GRIA3: variants seen among roughly 807,000 people sequenced by gnomAD.
GRIA3 encodes the protein glutamate receptor 3.
Under a neutral mutation model 63.0 loss-of-function variants are expected in GRIA3, and 3 were observed. The observed-to-expected ratio is 0.05, with a 90% CI of 0.02 to 0.12. The LOEUF is 0.12. Ranked by LOEUF, GRIA3 falls within the 10% of genes least tolerant of loss-of-function variation. The pLI, the probability that GRIA3 is intolerant of heterozygous loss-of-function variation, is 1.00. For missense variants in GRIA3, 347 were observed against 700.9 expected, an observed-to-expected ratio of 0.50 and a Z score of 5.70; for synonymous variants, 274 against 257.9, an observed-to-expected ratio of 1.06 and a Z score of -0.60.
chrX:123,381,211 A>C (rs1427449806), intron 5 of GRIA3, among the ~76,000 whole-genome samples: 2 of 111,161 alleles, frequency 1.8e-5, no homozygotes, highest in Non-Finnish European at 1.9e-5. Flanking sequence ...CCAACAGCCT[A>C]AGGAGAAAAT....
At chrX:123,414,689 T>C (rs1277661314) in intron 10 of GRIA3, among the ~76,000 whole-genome samples, 3 of 108,314 alleles carry the variant, frequency 2.8e-5, no homozygotes, top group African/African-American at 1.0e-4. Flanking sequence ...TTCTGTCCTT[T>C]TGATAGTTTG....
intron 2 of GRIA3, among the ~76,000 whole-genome samples, chrX:123,198,636 C>CA (rs201263633): frequency 1.6e-4 from 17 of 109,040 alleles, no homozygotes; most frequent in African/African-American, 4.7e-4. Flanking sequence ...TGCTTGGGGA[C>CA]AAAAAAAAAG....
chrX:123,259,519 A>G (rs1234373344), intron 3 of GRIA3, among the ~76,000 whole-genome samples: 1 of 110,166 alleles, frequency 9.1e-6, no homozygotes, highest in Non-Finnish European at 1.9e-5. Context: ...GCGCGCACAC[A>G]CACACACACA....
chrX:123,391,143 A>G (rs1411718475), intron 5 of GRIA3, among the ~76,000 whole-genome samples: 3 of 111,073 alleles, frequency 2.7e-5, no homozygotes, highest in Non-Finnish European at 5.7e-5. Flanking sequence ...GATTTCATAA[A>G]TTTCTTTTTG....
At chrX:123,319,712 T>A (rs980123404) in intron 3 of GRIA3, among the ~76,000 whole-genome samples, 75 of 110,418 alleles carry the variant, frequency 6.8e-4, no homozygotes, top group African/African-American at 2.4e-3. Flanking sequence ...CCTCCCTTCT[T>A]GCCTCTGTGT....
Position 123,344,703 on chromosome X carries a change from C to T in GRIA3, c.697-10207C>T, listed in dbSNP as rs765410037. On this transcript the variant is annotated intron_variant, in intron 4 of 15. Transcript: ENST00000620443. Reference sequence around the variant, plus strand: ...ATGTTTCAGAAATTCTTTTTTGGCTCCTTTCCCAGGAGTCTGGGTGAATTT... The same window carrying T: ...ATGTTTCAGAAATTCTTTTTTGGCTTCTTTCCCAGGAGTCTGGGTGAATTT... Among the ~76,000 whole-genome samples the T allele has an allele frequency of 9.9e-5, 11 of 111,167 alleles. No individual in the cohort carries two copies. The South Asian group carries it at 1.6e-3, about 16-fold the overall frequency.
At chrX:123,329,516 A>G (rs891835661) in intron 4 of GRIA3, among the ~76,000 whole-genome samples, 9 of 111,826 alleles carry the variant, frequency 8.0e-5, no homozygotes, top group African/African-American at 1.6e-4. Context: ...ATTAGGGGAA[A>G]AATTCAATTA....
At chrX:123,373,889 G>A (rs1019414945) in intron 5 of GRIA3, among the ~76,000 whole-genome samples, 11 of 111,657 alleles carry the variant, frequency 9.9e-5, no homozygotes, top group South Asian at 3.8e-4. Flanking sequence ...TTTGGCTTTC[G>A]TTGCGATTGC....
At chrX:123,394,270 G>A (rs772267744) in intron 5 of GRIA3, among the ~76,000 whole-genome samples, 1 of 111,163 alleles carries the variant, frequency 9.0e-6, no homozygotes, top group East Asian at 2.8e-4. Context: ...GCTGAGGCAC[G>A]AGAATCGCTT....
intron 11 of GRIA3, among the ~76,000 whole-genome samples, chrX:123,421,550 G>A (rs1248320657): frequency 1.8e-5 from 2 of 112,551 alleles, no homozygotes; most frequent in Non-Finnish European, 3.8e-5. Context: ...CCCAGAATGT[G>A]AGCATGCATT....
intron 3 of GRIA3, among the ~76,000 whole-genome samples, chrX:123,310,414 C>T (rs897229596): frequency 1.2e-4 from 13 of 113,021 alleles, no homozygotes; most frequent in Admixed American, 2.8e-4. Flanking sequence ...AGTCAGCTTA[C>T]TTCTCATCCA....
At chrX:123,296,116 A>G (rs1424764071) in intron 3 of GRIA3, among the ~76,000 whole-genome samples, 1 of 111,397 alleles carries the variant, frequency 9.0e-6, no homozygotes, top group Non-Finnish European at 1.9e-5. Context: ...TCATCAACCT[A>G]TTATCCTCAG....
At chrX:123,266,474 T>C (rs1420193848) in intron 3 of GRIA3, among the ~76,000 whole-genome samples, 1 of 111,343 alleles carries the variant, frequency 9.0e-6, no homozygotes, top group Non-Finnish European at 1.9e-5. Context: ...GCACATCTCA[T>C]CACCAAAGAC....
intron 10 of GRIA3, among the ~76,000 whole-genome samples, chrX:123,410,176 G>C (rs1024807963): frequency 9.0e-6 from 1 of 111,561 alleles, no homozygotes; most frequent in African/African-American, 3.3e-5. Context: ...ACAGCTGGGG[G>C]TTCTGCCCTT....
At chrX:123,196,960 T>C (rs1307812932) in intron 2 of GRIA3, among the ~76,000 whole-genome samples, 2 of 112,121 alleles carry the variant, frequency 1.8e-5, no homozygotes, top group Non-Finnish European at 3.8e-5. Context: ...ACCACACAAT[T>C]TATGTTGAAG....
intron 12 of GRIA3, among the ~76,000 whole-genome samples, 152 bp from the exon 13 acceptor site, chrX:123,464,711 CAA>C (rs775963853): frequency 2.7e-5 from 3 of 109,657 alleles, no homozygotes; most frequent in Admixed American, 1.9e-4. Flanking sequence ...GTTTTGGAAA[CAA>C]TGTTTACGTA....
intron 5 of GRIA3, among the ~76,000 whole-genome samples, chrX:123,374,337 A>G (rs1047656674): frequency 8.9e-5 from 10 of 111,854 alleles, no homozygotes; most frequent in South Asian, 3.8e-4. Flanking sequence ...TTGGCAATGC[A>G]GGCTCTTTTT....
chrX:123,372,186 T>C (rs971089587), intron 5 of GRIA3, among the ~76,000 whole-genome samples: 1 of 111,808 alleles, frequency 8.9e-6, no homozygotes, highest in Non-Finnish European at 1.9e-5. Flanking sequence ...GAGTTAACTG[T>C]AGGTGTGTGG....
intron 2 of GRIA3, among the ~76,000 whole-genome samples, chrX:123,236,876 C>T (rs934959011): frequency 2.0e-4 from 22 of 111,711 alleles, no homozygotes; most frequent in Non-Finnish European, 3.8e-5. Flanking sequence ...AGTAACAGAA[C>T]ACCTGTTTCC....
Sources: gnomAD v4.1 joint callset for allele counts (sites outside exome capture counted in the v4.1 genomes callset) on GRCh38, gnomAD v4.1.1 for gene constraint, MANE v1.5 for transcripts, NCBI Gene and HGNC (gene_info 2026-07-23, HGNC 2026-07-21) for gene names.